ROBO1: variants seen among roughly 807,000 people sequenced by gnomAD.
ROBO1 encodes roundabout guidance receptor 1, also known as roundabout homolog 1.
In ROBO1, 149 loss-of-function variants were observed where a neutral mutation model predicts 195.9. The observed-to-expected ratio is 0.76, with a 90% CI of 0.67 to 0.87. The LOEUF is 0.87. ROBO1 is among the 40% of genes least tolerant of loss of function. The pLI, the probability that ROBO1 is intolerant of heterozygous loss-of-function variation, is 0.00. For missense variants in ROBO1, 1,933 were observed against 2,068.3 expected (o/e 0.93, Z 1.27); for synonymous variants, 816 against 733.2 (o/e 1.11, Z -1.82).
chr3:79,548,034 G>T (rs1311181412), intron 2 of ROBO1, among the ~76,000 whole-genome samples: 2 of 152,138 alleles, frequency 1.3e-5, no homozygotes, highest in African/African-American at 4.8e-5. Flanking sequence ...CCCATGTCAG[G>T]TGTCGGGTGT....
intron 2 of ROBO1, among the ~76,000 whole-genome samples, chr3:79,163,258 T>G (rs1228612017): frequency 6.6e-6 from 1 of 152,136 alleles, no homozygotes. Context: ...ACCTATCTCA[T>G]GTAAGTGGAA....
chr3:79,075,316 T>A (rs2079154853), intron 3 of ROBO1, among the ~76,000 whole-genome samples: 1 of 151,954 alleles, frequency 6.6e-6, no homozygotes. Context: ...CCTACATAGG[T>A]ATGAATTTGA....
chr3:79,580,054 A>G (rs1442618601), intron 2 of ROBO1, among the ~76,000 whole-genome samples: 1 of 152,158 alleles, frequency 6.6e-6, no homozygotes, highest in Non-Finnish European at 1.5e-5. Flanking sequence ...ATGATAAATT[A>G]TATATTCTAT....
At chr3:79,074,787 G>A (rs1384979045) in intron 3 of ROBO1, among the ~76,000 whole-genome samples, 2 of 151,286 alleles carry the variant, frequency 1.3e-5, no homozygotes, top group Non-Finnish European at 2.9e-5. Context: ...TTTAGTCCAT[G>A]TTTGGACTAA....
rs560615007 is a variant in ROBO1 at position 79,576,256 on chromosome 3, C to A, written c.88+13568G>T. 2.2e-4 allele frequency among the ~76,000 whole-genome samples: 33 copies of A among 152,056 alleles called. No individual in the cohort carries two copies. In the East Asian group the frequency reaches 5.6e-3, roughly 26 times the overall value. On this transcript the variant is annotated intron_variant, in intron 2 of 30. Transcript: ENST00000464233. ...CATGCCATGATGTGTTTTCTTTTAA[C>A]TCCTCCATGAATCTGGAGCAATTCT...
At chr3:78,996,383 T>A (rs1199329445) in intron 3 of ROBO1, among the ~76,000 whole-genome samples, 1 of 151,740 alleles carries the variant, frequency 6.6e-6, no homozygotes, top group Non-Finnish European at 1.5e-5. Flanking sequence ...TTGGACAATC[T>A]ACCACTTCTG....
chr3:79,420,248 A>G (rs2049463503), intron 2 of ROBO1, among the ~76,000 whole-genome samples: 1 of 152,196 alleles, frequency 6.6e-6, no homozygotes, highest in Non-Finnish European at 1.5e-5. Flanking sequence ...ACAGAGGAAT[A>G]TTAAATAACC....
intron 2 of ROBO1, among the ~76,000 whole-genome samples, chr3:79,448,393 C>A (rs1433559717): frequency 1.3e-5 from 2 of 152,128 alleles, no homozygotes; most frequent in Non-Finnish European, 2.9e-5. Context: ...TAAATGTAAA[C>A]TCAGTCTTTT....
At chr3:79,534,367 A>G (rs1277647484) in intron 2 of ROBO1, among the ~76,000 whole-genome samples, 2 of 151,980 alleles carry the variant, frequency 1.3e-5, no homozygotes, top group African/African-American at 4.8e-5. Flanking sequence ...CTATGTAGAG[A>G]GCATAGTTGT....
chr3:78,668,783 T>C (rs1450563568), intron 11 of ROBO1, among the ~76,000 whole-genome samples: 1 of 151,974 alleles, frequency 6.6e-6, no homozygotes, highest in African/African-American at 2.4e-5. Flanking sequence ...TCTAATGGTA[T>C]AATAAGAAAT....
chr3:79,001,921 T>G (rs927052411), intron 3 of ROBO1, among the ~76,000 whole-genome samples: 1 of 152,196 alleles, frequency 6.6e-6, no homozygotes, highest in African/African-American at 2.4e-5. Context: ...TATTATTTTT[T>G]CTTAGAAATG....
chr3:79,068,107 C>G (rs1261948530), intron 3 of ROBO1, among the ~76,000 whole-genome samples: 1 of 151,862 alleles, frequency 6.6e-6, no homozygotes, highest in East Asian at 1.9e-4. Flanking sequence ...TGTTATTGGC[C>G]ACATGAACAA....
intron 4 of ROBO1, among the ~76,000 whole-genome samples, chr3:78,870,486 G>A (rs1010581347): frequency 1.3e-5 from 2 of 152,160 alleles, no homozygotes; most frequent in African/African-American, 4.8e-5. Context: ...GAGGTTAAGA[G>A]TAAAAAAGCA....
intron 4 of ROBO1, among the ~76,000 whole-genome samples, chr3:78,871,526 C>A (rs1332333286): frequency 6.6e-6 from 1 of 151,948 alleles, no homozygotes; most frequent in East Asian, 1.9e-4. Flanking sequence ...ATTCACAGTG[C>A]TACTTAATTT....
chr3:79,690,827 T>C (rs1032638183), intron 1 of ROBO1, among the ~76,000 whole-genome samples: 1 of 151,872 alleles, frequency 6.6e-6, no homozygotes. Context: ...TAACATAATT[T>C]GTCATCTTTT....
At chr3:78,819,265 T>C (rs2108668353) in intron 4 of ROBO1, among the ~76,000 whole-genome samples, 1 of 151,490 alleles carries the variant, frequency 6.6e-6, no homozygotes, top group Admixed American at 6.5e-5. Flanking sequence ...AATTTAGTGC[T>C]TTTTCTTTAT....
chr3:78,732,859 C>T (rs1208058629), intron 5 of ROBO1, among the ~76,000 whole-genome samples: 1 of 152,066 alleles, frequency 6.6e-6, no homozygotes, highest in Non-Finnish European at 1.5e-5. Flanking sequence ...TAAACAAAAG[C>T]CTGTTTCTAA....
At position 78,606,745 on chromosome 3, in the gene ROBO1, G is replaced by C. The variant is rs1490919469; in HGVS notation, c.4732C>G (p.His1578Asp). The C allele has an allele frequency of 1.9e-6, 3 of 1,613,632 alleles. No individual in the cohort carries two copies. Among genetic ancestry groups the C allele is most frequent in the Non-Finnish European group, 2.5e-6 (3 of 1,179,756 alleles). The change falls in exon 29 of 31, where the codon CAT becomes GAT. Residue 1578 changes from histidine (H) to aspartate (D), a missense_variant. His to Asp is a moderately conservative substitution (Grantham distance 81). Coordinates refer to ENST00000464233, the MANE Select transcript of ROBO1 (RefSeq NM_002941.4). ...AKRDLPPAKT[H>D]LIQEDILPYC... is the part of the protein sequence containing the mutation. ...ATTGGATGAGTACCTTGGATGAGAT[G>C]AGTCTTTGCTGGTGGAAGGTCTCGT...
intron 4 of ROBO1, among the ~76,000 whole-genome samples, chr3:78,885,448 A>C (rs2036503435): frequency 2.2e-5 from 3 of 137,302 alleles, no homozygotes; most frequent in Admixed American, 2.2e-4. Context: ...AAAAACTGAG[A>C]GTTCTCAAAA....
Sources: gnomAD v4.1 joint callset for allele counts (sites outside exome capture counted in the v4.1 genomes callset) on GRCh38, gnomAD v4.1.1 for gene constraint, MANE v1.5 for transcripts, NCBI Gene and HGNC (gene_info 2026-07-23, HGNC 2026-07-21) for gene names.